The following DPYD variants were observed in gnomAD, a reference collection of about 807,000 sequenced individuals.
DPYD encodes the protein dihydropyrimidine dehydrogenase [NADP(+)].
Under a neutral mutation model 116.2 loss-of-function variants are expected in DPYD, and 109 were observed. The ratio of observed to expected loss-of-function variants is 0.94; its 90% CI spans 0.80 to 1.10. The LOEUF is 1.10. Ranked by LOEUF, DPYD falls within the 50% of genes least tolerant of loss-of-function variation. The pLI is 0.00. For synonymous variants in DPYD, 440 were observed against 432.0 expected, an observed-to-expected ratio of 1.02 and a Z score of -0.23; for missense variants, 1,302 against 1,254.5, an observed-to-expected ratio of 1.04 and a Z score of -0.57.
At chr1:97,323,345 CATGTGTATATGTACACGTATGTAT>C (rs1668446293) in intron 16 of DPYD, among the ~76,000 whole-genome samples, 3 of 22,606 alleles carry the variant, frequency 1.3e-4, no homozygotes, top group African/African-American at 2.5e-4. Context: ...CGTATATATA[CATGTGTATATGTACACGTATGTAT>C]ACATGTGTAT....
intron 20 of DPYD, among the ~76,000 whole-genome samples, chr1:97,165,711 T>C (rs1185059663): frequency 6.6e-6 from 1 of 152,014 alleles, no homozygotes; most frequent in Non-Finnish European, 1.5e-5. Flanking sequence ...ATAAGGAACT[T>C]AAACAAATTA....
At chr1:97,526,807 T>C (rs567947459) in intron 12 of DPYD, among the ~76,000 whole-genome samples, 7 of 152,336 alleles carry the variant, frequency 4.6e-5, no homozygotes, top group Non-Finnish European at 5.9e-5. Flanking sequence ...TGTTAAGGTC[T>C]ACTGTAAAAA....
chr1:97,130,663 TTTC>T (rs1297439200), intron 20 of DPYD, among the ~76,000 whole-genome samples: 38 of 152,148 alleles, frequency 2.5e-4, no homozygotes, highest in African/African-American at 5.5e-4. Context: ...CCTCTATCCT[TTTC>T]TTTTTTCCTT....
intron 3 of DPYD, among the ~76,000 whole-genome samples, chr1:97,783,660 A>G (rs913603785): frequency 2.0e-5 from 3 of 151,982 alleles, no homozygotes; most frequent in Non-Finnish European, 4.4e-5. Context: ...CAAAGTGCTG[A>G]GATTACAAGG....
chr1:97,915,861 T>A (rs1011387431), intron 1 of DPYD, among the ~76,000 whole-genome samples: 4 of 152,168 alleles, frequency 2.6e-5, no homozygotes, highest in African/African-American at 9.6e-5. Context: ...CTGGATTATA[T>A]CAAATCTCAT....
intron 1 of DPYD, among the ~76,000 whole-genome samples, chr1:97,919,590 T>G (rs1195766173): frequency 6.6e-6 from 1 of 152,152 alleles, no homozygotes; most frequent in Non-Finnish European, 1.5e-5. Flanking sequence ...AAATAAAATT[T>G]TTTAAAAAGT....
At chr1:97,832,173 G>C (rs1012334127) in intron 2 of DPYD, among the ~76,000 whole-genome samples, 1 of 151,168 alleles carries the variant, frequency 6.6e-6, no homozygotes, top group Non-Finnish European at 1.5e-5. Context: ...TAATCTGCAT[G>C]ACAACCATAT....
intron 21 of DPYD, among the ~76,000 whole-genome samples, chr1:97,097,657 CTGG>C (rs1023473748): frequency 6.6e-5 from 10 of 152,040 alleles, no homozygotes; most frequent in Admixed American, 2.0e-4. Context: ...CTGAGGAATC[CTGG>C]TGGTGATGTC....
intron 7 of DPYD, among the ~76,000 whole-genome samples, chr1:97,689,940 A>C (rs1183222500): frequency 6.6e-6 from 1 of 152,068 alleles, no homozygotes; most frequent in Non-Finnish European, 1.5e-5. Context: ...AGCTTGAGAG[A>C]TGGACAAGAC....
At chr1:97,312,703 T>C (rs1033645824) in intron 16 of DPYD, among the ~76,000 whole-genome samples, 1 of 151,854 alleles carries the variant, frequency 6.6e-6, no homozygotes, top group Non-Finnish European at 1.5e-5. Flanking sequence ...CATATATTTA[T>C]ATAGAGGTCT....
At chr1:97,914,191 T>C (rs1474328560) in intron 1 of DPYD, among the ~76,000 whole-genome samples, 1 of 152,156 alleles carries the variant, frequency 6.6e-6, no homozygotes, top group Non-Finnish European at 1.5e-5. Flanking sequence ...GTGTAATATA[T>C]GAGTCATCTC....
At chr1:97,688,781 A>G (rs1434358127) in intron 7 of DPYD, among the ~76,000 whole-genome samples, 1 of 152,024 alleles carries the variant, frequency 6.6e-6, no homozygotes, top group Non-Finnish European at 1.5e-5. Flanking sequence ...TAAATAAATG[A>G]ATGCACAAGA....
chr1:97,105,143 T>C (rs1349612075), intron 20 of DPYD, among the ~76,000 whole-genome samples: 1 of 152,118 alleles, frequency 6.6e-6, no homozygotes, highest in Non-Finnish European at 1.5e-5. Flanking sequence ...AGTAAGTATT[T>C]TTGAAGAAAT....
At chr1:97,790,566 G>A (rs895430313) in intron 3 of DPYD, among the ~76,000 whole-genome samples, 6 of 152,138 alleles carry the variant, frequency 3.9e-5, no homozygotes, top group Admixed American at 6.6e-5. Context: ...CTCAGAAAAC[G>A]TGCTTGAATA....
At chr1:97,543,483 C>G (rs970253143) in intron 12 of DPYD, among the ~76,000 whole-genome samples, 38 of 152,112 alleles carry the variant, frequency 2.5e-4, no homozygotes, top group African/African-American at 8.7e-4. Context: ...TTTCTAAACA[C>G]CCAATTGCAT....
chr1:97,844,525 G>T (rs1197070884), intron 2 of DPYD, among the ~76,000 whole-genome samples: 2 of 152,168 alleles, frequency 1.3e-5, no homozygotes, highest in African/African-American at 4.8e-5. Context: ...AAAGAAAGGG[G>T]CTCACAGAGC....
In DPYD at chr1:97,231,763, G is replaced by A. The variant is rs531588435; in HGVS notation, c.2442+3089C>T. Among the ~76,000 whole-genome samples, 20 of 152,302 alleles carry A rather than the reference G, an allele frequency of 1.3e-4. No individual in the cohort carries two copies. The East Asian group carries it at 3.7e-3, about 28-fold the overall frequency. ...TAAAAATTTCACTCTCAAGTAGGTT[G>A]TGGAAATACTATATGTAGCAGCAAT... On this transcript the variant is annotated intron_variant, in intron 19 of 22. Coordinates refer to ENST00000370192, the MANE Select transcript of DPYD (RefSeq NM_000110.4).
In DPYD at chr1:97,154,012, T is replaced by C. The variant is rs945087503; in HGVS notation, c.2622+39057A>G. Among the ~76,000 whole-genome samples the C allele has an allele frequency of 2.3e-4, 35 of 149,414 alleles. 1 individual carries two copies. Among genetic ancestry groups the C allele is most frequent in the African/African-American group, 8.6e-4 (35 of 40,726 alleles). ...AAAGATGTTGGCGTGGATATCGTGA[T>C]GTGATGAAAAGGGAACACTTTTGCA... On this transcript the variant is annotated intron_variant, in intron 20 of 22. Transcript: ENST00000370192.
Position 97,586,112 on chromosome 1 carries a change from C to T in DPYD, c.1128+7106G>A, listed in dbSNP as rs181036716. The T allele has an allele frequency of 1.7e-3, 268 of 155,518 alleles. 2 individuals carry two copies. The highest frequency in any genetic ancestry group is 6.0e-3 in the African/African-American group (249 of 41,600). The allele number at this position is 155,518 out of a possible 1,614,324, so 9.6% of individuals were successfully genotyped here. A position where few individuals can be genotyped will look rare whatever the true frequency, so the allele number is the denominator to read the frequency against. On this transcript the variant is annotated intron_variant, in intron 10 of 22. Coordinates refer to ENST00000370192, the MANE Select transcript of DPYD (RefSeq NM_000110.4). ...GAAGAATTATGTCATTTACATTGAA[C>T]GGGTGCAGCAGAAAAAGACTGGGCT... is the stretch of plus-strand genomic sequence containing the variant.
Sources: gnomAD v4.1 joint callset for allele counts (sites outside exome capture counted in the v4.1 genomes callset) on GRCh38, gnomAD v4.1.1 for gene constraint, MANE v1.5 for transcripts, NCBI Gene and HGNC (gene_info 2026-07-23, HGNC 2026-07-21) for gene names.